EPB41L4B: variants seen among roughly 807,000 people sequenced by gnomAD.
EPB41L4B encodes erythrocyte membrane protein band 4.1 like 4B, also known as band 4.1-like protein 4B.
A neutral mutation model predicts 112.5 loss-of-function variants in EPB41L4B; 30 were observed. The ratio of observed to expected loss-of-function variants is 0.27; its 90% CI spans 0.20 to 0.36. The LOEUF (loss-of-function observed/expected upper bound fraction) is 0.36. Among genes scored for constraint, EPB41L4B ranks in the 10% least tolerant of loss-of-function variants. The pLI is 1.00. For synonymous variants in EPB41L4B, 408 were observed against 439.7 expected (o/e 0.93, Z 0.90); for missense variants, 1,024 against 1,133.3 (o/e 0.90, Z 1.38).
intron 2 of EPB41L4B, among the ~76,000 whole-genome samples, chr9:109,275,189 G>T (rs1370186949): frequency 6.6e-6 from 1 of 152,214 alleles, no homozygotes; most frequent in Non-Finnish European, 1.5e-5. Flanking sequence ...TGGAAACCAG[G>T]CGTGGTTCTT....
intron 2 of EPB41L4B, among the ~76,000 whole-genome samples, chr9:109,274,219 C>T (rs893559430): frequency 6.6e-6 from 1 of 152,108 alleles, no homozygotes; most frequent in Non-Finnish European, 1.5e-5. Context: ...TGTTGAAAAG[C>T]AGCTTAGGGA....
At chr9:109,177,588 G>A (rs960452182) in intron 24 of EPB41L4B, among the ~76,000 whole-genome samples, 6 of 152,216 alleles carry the variant, frequency 3.9e-5, no homozygotes, top group East Asian at 1.9e-4. Flanking sequence ...TTGGGAGGTC[G>A]AGGTGGGTGG....
At chr9:109,184,128 G>A (rs1242773222) in intron 23 of EPB41L4B, among the ~76,000 whole-genome samples, 1 of 152,208 alleles carries the variant, frequency 6.6e-6, no homozygotes, top group African/African-American at 2.4e-5. Flanking sequence ...GTTGCCTATT[G>A]AGTCAGCATG....
At chr9:109,300,842 A>C (rs1836935269) in intron 1 of EPB41L4B, 1 of 152,140 alleles carries the variant, frequency 6.6e-6, no homozygotes, top group Admixed American at 6.5e-5. Context: ...TAAGTGCTAC[A>C]ACATGATCAC....
intron 15 of EPB41L4B, among the ~76,000 whole-genome samples, chr9:109,223,020 C>A (rs1490873607): frequency 6.6e-6 from 1 of 152,136 alleles, no homozygotes; most frequent in South Asian, 2.1e-4. Flanking sequence ...TTATTGCTTG[C>A]AGAACAAGTG....
chr9:109,277,672 A>G (rs978578264), intron 2 of EPB41L4B, among the ~76,000 whole-genome samples: 1 of 152,180 alleles, frequency 6.6e-6, no homozygotes, highest in Non-Finnish European at 1.5e-5. Context: ...AGGGGAGGCC[A>G]GGGGACAGTC....
intron 1 of EPB41L4B, among the ~76,000 whole-genome samples, chr9:109,298,052 T>C (rs1299626566): frequency 6.6e-6 from 1 of 151,698 alleles, no homozygotes; most frequent in Non-Finnish European, 1.5e-5. Context: ...GAGTCAGTAG[T>C]CTTAAGAAAA....
At chr9:109,261,785 T>C (rs971255453) in intron 6 of EPB41L4B, among the ~76,000 whole-genome samples, 16 of 152,176 alleles carry the variant, frequency 1.1e-4, no homozygotes, top group Admixed American at 2.6e-4. Flanking sequence ...TGATATTCTG[T>C]AGTAAGTGTG....
rs755193442 is a variant in EPB41L4B at position 109,267,494 on chromosome 9, T to C, written c.512A>G (p.Asn171Ser). The C allele has an allele frequency of 3.1e-6, 5 of 1,613,496 alleles. No homozygotes were observed. In the Admixed American group the frequency reaches 5.0e-5, roughly 16 times the overall value. ...CTACCTTGTAAACTCCTCACGAAGG[T>C]TGTTTGGTTCTGAAGAATAGTATTT... is the stretch of plus-strand genomic sequence containing the variant. ...RVKYYSSEPN[N>S]LREEFTRYLF... The change falls in exon 4 of 26, where the codon AAC becomes AGC. Residue 171 changes from asparagine (N) to serine (S), a missense_variant. Physicochemically the swap from Asn to Ser is conservative, Grantham distance 46. Coordinates refer to ENST00000374566, the MANE Select transcript of EPB41L4B (RefSeq NM_019114.5).
chr9:109,214,173 T>G (rs1192948961), intron 16 of EPB41L4B, among the ~76,000 whole-genome samples: 1 of 152,220 alleles, frequency 6.6e-6, no homozygotes, highest in Non-Finnish European at 1.5e-5. Flanking sequence ...AAAAGCATTA[T>G]GCAAATTGGA....
rs1353212145 is a variant in EPB41L4B at position 109,256,564 on chromosome 9, T to C, written c.753-84A>G. On this transcript the variant is annotated intron_variant, in intron 7 of 25. Transcript: ENST00000374566. The stretch of plus-strand genomic sequence containing the variant: ...AAGGGCACGGCCTTACTATGGAACG[T>C]TATGCAGCAATTAAAGCAATGAGGG... The C allele has an allele frequency of 5.1e-6, 6 of 1,173,768 alleles. No individual in the cohort carries two copies. The African/African-American group carries it at 6.1e-5, about 12-fold the overall frequency. 72.7% of individuals were successfully genotyped at this position (1,173,768 alleles called of 1,614,324 possible). A position where few individuals can be genotyped will look rare whatever the true frequency, so the allele number is the denominator to read the frequency against.
At chr9:109,277,495 C>T (rs1431077865) in intron 2 of EPB41L4B, among the ~76,000 whole-genome samples, 1 of 152,056 alleles carries the variant, frequency 6.6e-6, no homozygotes, top group Admixed American at 6.5e-5. Flanking sequence ...TGTCGGGTGG[C>T]CAAGAGTCAA....
intron 15 of EPB41L4B, among the ~76,000 whole-genome samples, chr9:109,226,962 C>T (rs1328454631): frequency 6.6e-6 from 1 of 151,632 alleles, no homozygotes; most frequent in Non-Finnish European, 1.5e-5. Flanking sequence ...TCTCAGCCTC[C>T]CGAGTACCTA....
intron 15 of EPB41L4B, chr9:109,241,293 C>G: frequency 1.0e-6 from 1 of 1,002,488 alleles, no homozygotes; most frequent in Non-Finnish European, 1.2e-6. Context: ...TCAACTTCTA[C>G]GACAGGAATA....
At chr9:109,218,210 C>T (rs1833453077) in intron 15 of EPB41L4B, among the ~76,000 whole-genome samples, 1 of 146,236 alleles carries the variant, frequency 6.8e-6, no homozygotes, top group African/African-American at 2.6e-5. Context: ...ACTGCAACCT[C>T]CACCTCCCAG....
At chr9:109,241,091 T>C (rs1834338244) in intron 15 of EPB41L4B, 1 of 985,480 alleles carries the variant, frequency 1.0e-6, no homozygotes, top group Non-Finnish European at 1.2e-6. Context: ...GTTTTCCTTG[T>C]GATAAAATTA....
At chr9:109,294,845 T>C (rs1396900963) in intron 1 of EPB41L4B, among the ~76,000 whole-genome samples, 1 of 152,188 alleles carries the variant, frequency 6.6e-6, no homozygotes, top group African/African-American at 2.4e-5. Flanking sequence ...ATATTTTGTA[T>C]ATTTTTAAAT....
At chr9:109,288,270 C>T (rs558668980) in intron 1 of EPB41L4B, among the ~76,000 whole-genome samples, 3 of 152,326 alleles carry the variant, frequency 2.0e-5, no homozygotes, top group South Asian at 4.1e-4. Flanking sequence ...CTTGGATATC[C>T]AGGCCCCAGA....
chr9:109,256,249 G>C (rs773525000), intron 8 of EPB41L4B, 25 bp from the exon 9 acceptor site: 1 of 1,607,176 alleles, frequency 6.2e-7, no homozygotes. Flanking sequence ...AGTGACAATC[G>C]GTAGAGGGTT....
Sources: gnomAD v4.1 joint callset for allele counts (sites outside exome capture counted in the v4.1 genomes callset) on GRCh38, gnomAD v4.1.1 for gene constraint, MANE v1.5 for transcripts, NCBI Gene and HGNC (gene_info 2026-07-23, HGNC 2026-07-21) for gene names.